Variants in MASTL observed in about 807,000 individuals in gnomAD.
MASTL encodes the protein serine/threonine-protein kinase greatwall.
A neutral mutation model predicts 82.5 loss-of-function variants in MASTL; 54 were observed. That is an observed-to-expected ratio of 0.65 (90% CI 0.53 to 0.82). The LOEUF (loss-of-function observed/expected upper bound fraction) is 0.82. Ranked by LOEUF, MASTL falls within the 40% of genes least tolerant of loss-of-function variation. The pLI, the probability that MASTL is intolerant of heterozygous loss-of-function variation, is 0.00. For synonymous variants in MASTL, 323 were observed against 368.9 expected (o/e 0.88, Z 1.43); for missense variants, 950 against 1,047.8 (o/e 0.91, Z 1.29).
At chr10:27,155,254 C>G (rs1400577317), upstream of MASTL, 4 of 662,668 alleles carry the variant, frequency 6.0e-6, no homozygotes, top group Admixed American at 2.9e-5. Context: ...GGGGCTTTCC[C>G]GACGCCCCCT....
At chr10:27,175,742 G>A (rs1300258108) in intron 9 of MASTL, among the ~76,000 whole-genome samples, 2 of 152,110 alleles carry the variant, frequency 1.3e-5, no homozygotes, top group Non-Finnish European at 2.9e-5. Context: ...CTAGGCAGCA[G>A]ACAGACAGCC....
At chr10:27,186,076 G>A (rs962855427) in intron 11 of MASTL, among the ~76,000 whole-genome samples, 7 of 149,024 alleles carry the variant, frequency 4.7e-5, no homozygotes, top group Admixed American at 1.3e-4. Flanking sequence ...GCAACGGAGC[G>A]AGACCTCGTC....
At position 27,170,445 on chromosome 10, in the gene MASTL, C is replaced by T. The variant is rs1353378941; in HGVS notation, c.1486C>T (p.His496Tyr). The stretch of plus-strand genomic sequence containing the variant: ...AGTGCAGGACCTTAAGCTATCAGTG[C>T]ACAAAAGTCAACAAAATGACTGTGC... ...VEVQDLKLSV[H>Y]KSQQNDCANK... Residue 496 changes from histidine (H) to tyrosine (Y), a missense_variant, in exon 8 of 12, where the codon CAC becomes TAC. Coordinates refer to ENST00000375940, the MANE Select transcript of MASTL (RefSeq NM_001172303.3). The T allele has an allele frequency of 6.2e-7, 1 of 1,614,070 alleles. No homozygotes were observed. The highest frequency in any genetic ancestry group is 8.5e-7 in the Non-Finnish European group (1 of 1,179,990).
At chr10:27,156,850 AG>A (rs1414321137) in intron 1 of MASTL, among the ~76,000 whole-genome samples, 3 of 55,536 alleles carry the variant, frequency 5.4e-5, no homozygotes, top group African/African-American at 3.5e-4. Flanking sequence ...TTTTTTTTTG[AG>A]ATAGAGTTTC....
At chr10:27,155,961 G>A (rs142912976) in intron 1 of MASTL, among the ~76,000 whole-genome samples, 268 of 152,326 alleles carry the variant, frequency 1.8e-3, no homozygotes, top group Non-Finnish European at 3.0e-3. Context: ...GGCACTTAAA[G>A]CCAAAGCCGT....
In MASTL at chr10:27,167,065, CTGTAACATGGAATTCAA is replaced by C. The variant is rs2057764143; in HGVS notation, c.812-35_812-19del. 1 of 1,550,400 alleles carries C rather than the reference CTGTAACATGGAATTCAA, an allele frequency of 6.4e-7. No homozygotes were observed. Among genetic ancestry groups the C allele is most frequent in the Admixed American group, 1.7e-5 (1 of 59,880 alleles). On this transcript the variant is annotated intron_variant, in intron 6 of 11. Transcript: ENST00000375940. ...CAGGTTCAGTAAGGAACTAAGAAAG[CTGTAACATGGAATTCAA>C]TATTGTCTCTTCTCTATAGGTCTTG...
Position 27,165,505 on chromosome 10 carries a change from C to T in MASTL, c.777C>T (p.Asp259=), listed in dbSNP as rs755187577. The change falls in exon 6 of 12, where the codon GAC becomes GAT. Residue 259 remains aspartate (D), a synonymous_variant. Coordinates refer to ENST00000375940, the MANE Select transcript of MASTL (RefSeq NM_001172303.3). ...GCCCTATGTCTGTAGATCAAAAGGA[C>T]ACTACGCCTTATTCTAGCAAATTAC... ...LVCPMSVDQK[D]TTPYSSKLLK... is the part of the protein sequence containing the mutation. The T allele has an allele frequency of 6.2e-7, 1 of 1,614,110 alleles. No individual in the cohort carries two copies. The highest frequency in any genetic ancestry group is 1.1e-5 in the South Asian group (1 of 91,084).
intron 9 of MASTL, among the ~76,000 whole-genome samples, chr10:27,178,721 G>A (rs1478355133): frequency 6.6e-6 from 1 of 151,684 alleles, no homozygotes; most frequent in South Asian, 2.1e-4. Context: ...CTGGTAAAAG[G>A]GGCCTAATTT....
chr10:27,165,335 G>C, intron 5 of MASTL, 54 bp from the exon 6 acceptor site: 5 of 1,571,800 alleles, frequency 3.2e-6, no homozygotes, highest in Non-Finnish European at 3.5e-6. Context: ...TATGTACTTA[G>C]GTGGTGTTTT....
Position 27,186,597 on chromosome 10 carries a change from C to A in MASTL, c.*61C>A. ...TAGAATGAACTTGCATAATTATATA[C>A]TCCTTAATACTAGATTGATCTAAGG... is the stretch of plus-strand genomic sequence containing the variant. On this transcript the variant is annotated 3_prime_UTR_variant, in exon 12 of 12. Coordinates refer to ENST00000375940, the MANE Select transcript of MASTL (RefSeq NM_001172303.3). The A allele has an allele frequency of 7.5e-7, 1 of 1,330,194 alleles. No individual in the cohort carries two copies. The highest frequency in any genetic ancestry group is 1.1e-6 in the Non-Finnish European group (1 of 920,282). 82.4% of individuals were successfully genotyped at this position (1,330,194 alleles called of 1,614,324 possible).
intron 4 of MASTL, among the ~76,000 whole-genome samples, chr10:27,163,866 G>A (rs1399748037): frequency 3.9e-5 from 6 of 151,994 alleles, no homozygotes; most frequent in Non-Finnish European, 7.4e-5. Flanking sequence ...TCCTGACCTC[G>A]TGATCCACCC....
intron 9 of MASTL, among the ~76,000 whole-genome samples, chr10:27,175,354 G>A (rs1487232216): frequency 2.6e-5 from 4 of 151,868 alleles, no homozygotes; most frequent in African/African-American, 7.3e-5. Context: ...GGCTAATTTT[G>A]TATTTTTAGT....
At chr10:27,157,404 G>T (rs2057427445) in intron 1 of MASTL, among the ~76,000 whole-genome samples, 1 of 152,148 alleles carries the variant, frequency 6.6e-6, no homozygotes, top group Non-Finnish European at 1.5e-5. Context: ...AAACACACAT[G>T]CCCTCATAGC....
rs146165894 is a variant in MASTL at position 27,170,004 on chromosome 10, G to A, written c.1045G>A (p.Ala349Thr). Residue 349 changes from alanine to threonine, a missense_variant, in exon 8 of 12, where the codon GCA becomes ACA. Physicochemically the swap from Ala to Thr is moderately conservative, Grantham distance 58 (BLOSUM62 0). Transcript: ENST00000375940. ...TTGGAATGCAGTTGAAAAGTTATGC[G>A]CAAAATCTGCAAATGCCATTGAGAC... ...MSWNAVEKLC[A>T]KSANAIETKG... 396 of 1,614,072 alleles carry A rather than the reference G, an allele frequency of 2.5e-4. 2 individuals carry two copies. The African/African-American group carries it at 4.6e-3, about 19-fold the overall frequency.
In MASTL at chr10:27,155,568, A is replaced by G. The variant is rs1345676540; in HGVS notation, c.142A>G (p.Lys48Glu). The G allele has an allele frequency of 6.2e-7, 1 of 1,614,012 alleles. No individual in the cohort carries two copies. Among genetic ancestry groups the G allele is most frequent in the African/African-American group, 1.3e-5 (1 of 74,930 alleles). ...VKPISRGAFG[K>E]VYLGQKGGKL... Reference sequence around the variant, plus strand: ...GCCCATTAGCCGGGGCGCCTTCGGGAAAGTGTATCTGGGGCAGAAAGGCGG... The same window carrying G: ...GCCCATTAGCCGGGGCGCCTTCGGGGAAGTGTATCTGGGGCAGAAAGGCGG... Residue 48 changes from lysine to glutamate, a missense_variant, in exon 1 of 12, where the codon AAA becomes GAA. Coordinates refer to ENST00000375940, the MANE Select transcript of MASTL (RefSeq NM_001172303.3).
chr10:27,155,415 T>TGTAG lies in MASTL; in HGVS notation c.-11_-10insTAGG, dbSNP rs2057323345. ...GGGCAGTGTCTGCGGGGCCGCTGTA[T>TGTAG]GCTGTCCAGCGATGGATCCCACCGC... On this transcript the variant is annotated 5_prime_UTR_variant, in exon 1 of 12. An upstream open reading frame in the 5' UTR gains an earlier in-frame stop. Transcript: ENST00000375940. The TGTAG allele has an allele frequency of 6.3e-7, 1 of 1,599,072 alleles. No individual in the cohort carries two copies. Among genetic ancestry groups the TGTAG allele is most frequent in the East Asian group, 2.3e-5 (1 of 44,176 alleles).
At chr10:27,182,480 C>T (rs966233682) in intron 11 of MASTL, among the ~76,000 whole-genome samples, 1 of 152,016 alleles carries the variant, frequency 6.6e-6, no homozygotes, top group Non-Finnish European at 1.5e-5. Context: ...GGTGTGGTAG[C>T]TCATGCCTAT....
intron 8 of MASTL, among the ~76,000 whole-genome samples, chr10:27,172,786 G>A (rs2057991140): frequency 6.8e-6 from 1 of 146,556 alleles, no homozygotes; most frequent in Admixed American, 6.6e-5. Flanking sequence ...TTCCTCAGTG[G>A]CTCTTCTTAA....
chr10:27,154,916 G>T (rs924819541), upstream of MASTL: 110 of 164,838 alleles, frequency 6.7e-4, no homozygotes, highest in African/African-American at 2.6e-3. Context: ...GATGACAGGG[G>T]AGGCCACTCG....
Sources: gnomAD v4.1 joint callset for allele counts (sites outside exome capture counted in the v4.1 genomes callset) on GRCh38, gnomAD v4.1.1 for gene constraint, MANE v1.5 for transcripts, NCBI Gene and HGNC (gene_info 2026-07-23, HGNC 2026-07-21) for gene names.